Variants in GAB1 observed in about 807,000 individuals in gnomAD.
GAB1 encodes the protein GRB2 associated binding protein 1.
A neutral mutation model predicts 66.5 loss-of-function variants in GAB1; 19 were observed. That is an observed-to-expected ratio of 0.29 (90% CI 0.20 to 0.42). The LOEUF (loss-of-function observed/expected upper bound fraction) is 0.42. Ranked by LOEUF, GAB1 falls within the 10% of genes least tolerant of loss-of-function variation. The pLI, the probability that GAB1 is intolerant of heterozygous loss-of-function variation, is 1.00. For synonymous variants in GAB1, 294 were observed against 301.4 expected (o/e 0.98, Z 0.25); for missense variants, 732 against 858.5 (o/e 0.85, Z 1.84).
At chr4:143,400,499 TG>T (rs1201743308) in intron 1 of GAB1, among the ~76,000 whole-genome samples, 1 of 152,176 alleles carries the variant, frequency 6.6e-6, no homozygotes, top group Non-Finnish European at 1.5e-5. Flanking sequence ...GGGCTTCACT[TG>T]TGAGAGAATA....
chr4:143,353,991 C>T (rs1729338379), intron 1 of GAB1, among the ~76,000 whole-genome samples: 1 of 152,216 alleles, frequency 6.6e-6, no homozygotes, highest in African/African-American at 2.4e-5. Context: ...CTACCACACC[C>T]TCTCATTGCA....
At chr4:143,346,252 A>G (rs1021909181) in intron 1 of GAB1, among the ~76,000 whole-genome samples, 6 of 152,234 alleles carry the variant, frequency 3.9e-5, no homozygotes, top group Non-Finnish European at 7.3e-5. Flanking sequence ...AGTAATCAAG[A>G]ATAGAAATAA....
At chr4:143,365,118 C>T (rs1451475468) in intron 1 of GAB1, among the ~76,000 whole-genome samples, 3 of 151,740 alleles carry the variant, frequency 2.0e-5, no homozygotes, top group African/African-American at 7.3e-5. Context: ...ACCTTGTGAT[C>T]CGCCCGCCTC....
At chr4:143,464,028 T>C (rs574768564) in intron 8 of GAB1, among the ~76,000 whole-genome samples, 6 of 152,312 alleles carry the variant, frequency 3.9e-5, no homozygotes, top group African/African-American at 1.2e-4. Context: ...TATGGGTCTT[T>C]CATTGATCAC....
At chr4:143,384,009 G>A (rs1240775020) in intron 1 of GAB1, among the ~76,000 whole-genome samples, 1 of 152,040 alleles carries the variant, frequency 6.6e-6, no homozygotes, top group African/African-American at 2.4e-5. Context: ...GGAGTTTGAG[G>A]CTGCAGTGAG....
At chr4:143,386,269 G>A (rs80313186) in intron 1 of GAB1, among the ~76,000 whole-genome samples, 3,170 of 152,252 alleles carry the variant, frequency 0.021, 106 homozygotes, top group African/African-American at 0.072. Context: ...AGATTTTTTT[G>A]GGATTTTGGA....
intron 8 of GAB1, among the ~76,000 whole-genome samples, chr4:143,465,146 T>G (rs1171334221): frequency 6.6e-6 from 1 of 152,206 alleles, no homozygotes; most frequent in Non-Finnish European, 1.5e-5. Context: ...ACAAGTCACT[T>G]GTTTGAGCAC....
intron 2 of GAB1, among the ~76,000 whole-genome samples, chr4:143,429,394 G>A (rs1205775175): frequency 6.6e-6 from 1 of 152,200 alleles, no homozygotes; most frequent in African/African-American, 2.4e-5. Flanking sequence ...GTGAGCCACT[G>A]TGCCCAGCCT....
chr4:143,374,360 G>A (rs1382579272), intron 1 of GAB1, among the ~76,000 whole-genome samples: 1 of 152,162 alleles, frequency 6.6e-6, no homozygotes, highest in African/African-American at 2.4e-5. Context: ...CAGGATATTA[G>A]TCAAAGGAAA....
intron 1 of GAB1, among the ~76,000 whole-genome samples, chr4:143,338,068 T>C (rs147036591): frequency 2.5e-4 from 38 of 152,284 alleles, no homozygotes; most frequent in African/African-American, 8.4e-4. Context: ...TTTAATGGTG[T>C]TTGTGTAATT....
At chr4:143,454,827 T>A (rs775928878) in intron 6 of GAB1, among the ~76,000 whole-genome samples, 5 of 152,204 alleles carry the variant, frequency 3.3e-5, no homozygotes, top group Non-Finnish European at 7.4e-5. Context: ...GTCTGTCTTC[T>A]GTCCTTTTCA....
At chr4:143,373,953 G>A (rs1730299531) in intron 1 of GAB1, among the ~76,000 whole-genome samples, 1 of 148,516 alleles carries the variant, frequency 6.7e-6, no homozygotes, top group East Asian at 2.0e-4. Flanking sequence ...TGTGTCCAAA[G>A]CATTGGTATA....
At chr4:143,339,567 A>T (rs1439297221) in intron 1 of GAB1, among the ~76,000 whole-genome samples, 1 of 152,212 alleles carries the variant, frequency 6.6e-6, no homozygotes, top group Non-Finnish European at 1.5e-5. Flanking sequence ...CCTGACTCTG[A>T]ATATTAGTTG....
chr4:143,455,503 A>G (rs1735138218), intron 6 of GAB1, among the ~76,000 whole-genome samples: 1 of 152,230 alleles, frequency 6.6e-6, no homozygotes, highest in Non-Finnish European at 1.5e-5. Context: ...GGTGAAAAAA[A>G]TCAGGAGGGA....
chr4:143,339,379 T>TG (rs1728756394), intron 1 of GAB1, among the ~76,000 whole-genome samples: 1 of 152,196 alleles, frequency 6.6e-6, no homozygotes, highest in Non-Finnish European at 1.5e-5. Flanking sequence ...GGCGTGGTGG[T>TG]GTACGCCTGT....
At chr4:143,433,006 C>A (rs1317796394) in intron 2 of GAB1, among the ~76,000 whole-genome samples, 1 of 152,106 alleles carries the variant, frequency 6.6e-6, no homozygotes, top group Non-Finnish European at 1.5e-5. Context: ...TCTCTGTAGT[C>A]TGCTAAGAGG....
At chr4:143,423,307 G>A (rs1411671229) in intron 2 of GAB1, among the ~76,000 whole-genome samples, 2 of 152,214 alleles carry the variant, frequency 1.3e-5, no homozygotes, top group East Asian at 1.9e-4. Context: ...GTGGTTTGGA[G>A]TGGTTGGGGT....
chr4:143,364,868 C>CTT lies in GAB1; in HGVS notation c.72+27633_72+27634dup, dbSNP rs745401852. Among the ~76,000 whole-genome samples the CTT allele has an allele frequency of 1.1e-3, 92 of 86,810 alleles. 7 individuals are homozygous for CTT. The highest frequency in any genetic ancestry group is 3.8e-3 in the African/African-American group (69 of 18,286). The allele number at this position is 86,810 out of a possible 152,430, so 57.0% of individuals were successfully genotyped here. A position where few individuals can be genotyped will look rare whatever the true frequency, so the allele number is the denominator to read the frequency against. On this transcript the variant is annotated intron_variant, in intron 1 of 9. Transcript: ENST00000262994. ...AAAATTAAAGCTCTCCCTGCATCTA[C>CTT]TTTTTTTTTTTTTTTTTTTTTTTTT...
intron 1 of GAB1, chr4:143,381,821 C>T (rs1020792551): frequency 1.1e-4 from 17 of 152,276 alleles, no homozygotes; most frequent in African/African-American, 4.1e-4. Context: ...AGAAGCCTGC[C>T]CCAGAGTCTT....
Sources: allele counts gnomAD v4.1 joint callset (sites outside exome capture counted in the v4.1 genomes callset), GRCh38; gene constraint gnomAD v4.1.1; transcripts MANE v1.5; gene names NCBI Gene and HGNC (gene_info 2026-07-23, HGNC 2026-07-21).